Variants in TENM2 observed in about 807,000 individuals in gnomAD.
TENM2 encodes teneurin-2.
A neutral mutation model predicts 245.2 loss-of-function variants in TENM2; 52 were observed. The ratio of observed to expected loss-of-function variants is 0.21; its 90% confidence interval spans 0.17 to 0.27. The LOEUF is 0.27. Among genes scored for constraint, TENM2 ranks in the 10% least tolerant of loss-of-function variants. The probability of loss-of-function intolerance (pLI) is 1.00; values close to 1 mark genes in which losing one functional copy is unlikely to be tolerated. For missense variants in TENM2, 3,046 were observed against 3,666.8 expected, an observed-to-expected ratio of 0.83 and a Z score of 4.37; for synonymous variants, 1,363 against 1,438.9, an observed-to-expected ratio of 0.95 and a Z score of 1.19.
At chr5:167,603,577 A>T (rs1303597089) in intron 2 of TENM2, among the ~76,000 whole-genome samples, 3 of 152,190 alleles carry the variant, frequency 2.0e-5, no homozygotes, top group Non-Finnish European at 4.4e-5. Flanking sequence ...GCTACTCAGA[A>T]GGCAGGGGTG....
intron 5 of TENM2, among the ~76,000 whole-genome samples, chr5:168,046,468 GTGT>G (rs1788615344): frequency 2.0e-5 from 3 of 152,314 alleles, no homozygotes; most frequent in African/African-American, 7.2e-5. Context: ...AAGAATACAG[GTGT>G]TTAGGGTTTG....
intron 5 of TENM2, among the ~76,000 whole-genome samples, chr5:168,031,973 A>T (rs1007871091): frequency 6.6e-6 from 1 of 152,208 alleles, no homozygotes; most frequent in African/African-American, 2.4e-5. Context: ...TAGTTTACCC[A>T]CAATGCACCT....
chr5:168,192,285 G>C (rs1163289622), intron 14 of TENM2, among the ~76,000 whole-genome samples: 1 of 152,160 alleles, frequency 6.6e-6, no homozygotes, highest in African/African-American at 2.4e-5. Context: ...GAAACTGTCT[G>C]TTGTAACCGG....
At chr5:167,194,313 C>G in the TENM2 span, among the ~76,000 whole-genome samples, 1 of 152,122 alleles carries the variant, frequency 6.6e-6, no homozygotes, top group South Asian at 2.1e-4. Context: ...GAAGACGACG[C>G]ACGAAGGAAA....
intron 2 of TENM2, among the ~76,000 whole-genome samples, chr5:167,547,125 G>T (rs1772611442): frequency 6.6e-6 from 1 of 152,258 alleles, no homozygotes; most frequent in East Asian, 1.9e-4. Flanking sequence ...CAGTCTTGTT[G>T]TCCAGGCTGG....
intron 2 of TENM2, among the ~76,000 whole-genome samples, chr5:167,723,538 T>C (rs1157339956): frequency 6.6e-6 from 1 of 152,222 alleles, no homozygotes; most frequent in East Asian, 1.9e-4. Flanking sequence ...AAGGCTCTTA[T>C]ATCTAGCAGG....
At chr5:168,016,801 C>A (rs1191798489) in intron 5 of TENM2, among the ~76,000 whole-genome samples, 1 of 152,242 alleles carries the variant, frequency 6.6e-6, no homozygotes, top group Non-Finnish European at 1.5e-5. Context: ...AGTTACTTCA[C>A]CTCTCTGAAA....
intron 25 of TENM2, among the ~76,000 whole-genome samples, chr5:168,232,890 C>T (rs1451231857): frequency 3.9e-5 from 6 of 152,180 alleles, no homozygotes; most frequent in African/African-American, 1.4e-4. Context: ...GAGTGTTAGT[C>T]CCTTCATTCC....
At chr5:167,197,608 G>A in the TENM2 span, among the ~76,000 whole-genome samples, 3 of 152,030 alleles carry the variant, frequency 2.0e-5, no homozygotes, top group African/African-American at 7.2e-5. Context: ...TCAGAACAAT[G>A]AATAAGCTGT....
intron 2 of TENM2, among the ~76,000 whole-genome samples, chr5:167,404,022 A>G (rs779321476): frequency 1.3e-5 from 2 of 151,920 alleles, no homozygotes; most frequent in Admixed American, 6.6e-5. Context: ...AGGCTCACCT[A>G]TTTTCCCTCT....
rs1242708484 is a variant in TENM2 at position 167,322,357 on chromosome 5, T to A, written c.226+37294T>A. On this transcript the variant is annotated intron_variant, in intron 1 of 28. Coordinates refer to ENST00000518659, the Ensembl canonical transcript of TENM2. ...GTATTCTGGCCCTGTTAGCCACCCATACCGTGGAGAGAGAATCTCTGCATT... is the reference window on the plus strand; with the variant it reads ...GTATTCTGGCCCTGTTAGCCACCCAAACCGTGGAGAGAGAATCTCTGCATT... 2.6e-5 allele frequency among the ~76,000 whole-genome samples: 4 copies of A among 152,056 alleles called. No individual in the cohort carries two copies. In the East Asian group the frequency reaches 5.8e-4, roughly 22 times the overall value.
At chr5:168,140,410 T>C (rs1755437119) in intron 12 of TENM2, among the ~76,000 whole-genome samples, 1 of 152,214 alleles carries the variant, frequency 6.6e-6, no homozygotes, top group South Asian at 2.1e-4. Flanking sequence ...ATGCCTCCCC[T>C]GCCACCCTTT....
At chr5:167,609,228 A>G (rs1402291684) in intron 2 of TENM2, among the ~76,000 whole-genome samples, 1 of 152,090 alleles carries the variant, frequency 6.6e-6, no homozygotes, top group African/African-American at 2.4e-5. Context: ...ACAGATAACA[A>G]AACTGAGAAT....
At chr5:168,150,285 G>A (rs1756527604) in intron 12 of TENM2, among the ~76,000 whole-genome samples, 1 of 152,198 alleles carries the variant, frequency 6.6e-6, no homozygotes, top group African/African-American at 2.4e-5. Flanking sequence ...GCAGAAATCA[G>A]CATTTTCTAA....
At chr5:167,608,998 A>AT (rs1777256518) in intron 2 of TENM2, among the ~76,000 whole-genome samples, 1 of 151,992 alleles carries the variant, frequency 6.6e-6, no homozygotes, top group Admixed American at 6.6e-5. Flanking sequence ...TAATGTAAAA[A>AT]AATGAATGGA....
chr5:167,774,335 C>T (rs984106322), intron 2 of TENM2, among the ~76,000 whole-genome samples: 1 of 152,092 alleles, frequency 6.6e-6, no homozygotes, highest in African/African-American at 2.4e-5. Flanking sequence ...TGATGTATGC[C>T]TATCTATCTG....
the TENM2 span, among the ~76,000 whole-genome samples, chr5:167,080,401 A>G: frequency 6.6e-6 from 1 of 152,186 alleles, no homozygotes; most frequent in Non-Finnish European, 1.5e-5. Context: ...TATACATTTA[A>G]CATTTTTTGC....
At chr5:167,149,330 G>A in the TENM2 span, among the ~76,000 whole-genome samples, 2 of 152,102 alleles carry the variant, frequency 1.3e-5, no homozygotes, top group Non-Finnish European at 1.5e-5. Flanking sequence ...TATTTATCTA[G>A]TGGATTTTCC....
chr5:167,454,050 C>T (rs1765761937), intron 2 of TENM2, among the ~76,000 whole-genome samples: 1 of 152,006 alleles, frequency 6.6e-6, no homozygotes, highest in African/African-American at 2.4e-5. Context: ...TGAATCATTC[C>T]AATTGAATTT....
Sources: allele counts gnomAD v4.1 joint callset (sites outside exome capture counted in the v4.1 genomes callset), GRCh38; gene constraint gnomAD v4.1.1; transcripts MANE v1.5; gene names NCBI Gene and HGNC (gene_info 2026-07-23, HGNC 2026-07-21).